NPAS2: variants seen among roughly 807,000 people sequenced by gnomAD.
NPAS2 encodes the protein neuronal PAS domain-containing protein 2.
NPAS2 carries 23 observed loss-of-function variants against 107.5 expected under a neutral mutation model. The ratio of observed to expected loss-of-function variants is 0.21; its 90% CI spans 0.15 to 0.30. NPAS2 has a LOEUF of 0.30. NPAS2 is among the 10% of genes least tolerant of loss of function. NPAS2 has a pLI of 1.00. For missense variants in NPAS2, 756 were observed against 1,043.3 expected (o/e 0.72, Z 3.79); for synonymous variants, 403 against 417.5 (o/e 0.97, Z 0.42).
intron 3 of NPAS2, among the ~76,000 whole-genome samples, chr2:100,927,046 C>T (rs1438608582): frequency 6.7e-6 from 1 of 149,502 alleles, no homozygotes; most frequent in South Asian, 2.1e-4. Context: ...TCACACCATT[C>T]TCCTGCCTCA....
At chr2:100,843,607 C>T (rs1323681568) in intron 1 of NPAS2, among the ~76,000 whole-genome samples, 1 of 152,066 alleles carries the variant, frequency 6.6e-6, no homozygotes, top group Non-Finnish European at 1.5e-5. Context: ...ATGGCTCTGA[C>T]CCTTGTTTTC....
At chr2:100,984,605 A>T (rs1188702570) in intron 16 of NPAS2, 3 of 152,020 alleles carry the variant, frequency 2.0e-5, no homozygotes, top group Non-Finnish European at 4.4e-5. Context: ...GTTTTCTCTG[A>T]TAACTTTTCC....
In NPAS2 at chr2:100,856,718, C is replaced by T. The variant is rs377375464; in HGVS notation, c.-23+36304C>T. Among the ~76,000 whole-genome samples, 11 of 13,562 alleles carry T rather than the reference C, an allele frequency of 8.1e-4. No homozygotes were observed. In the East Asian group the frequency reaches 0.015, roughly 19 times the overall value. 8.9% of individuals were successfully genotyped at this position (13,562 alleles called of 152,430 possible). ...AATGTGTGTATGGGCGGGGTGGGGG[C>T]GGGGGCGGGGGCATGTGTTTAGCAG... On this transcript the variant is annotated intron_variant, in intron 1 of 20. Transcript: ENST00000335681.
intron 1 of NPAS2, among the ~76,000 whole-genome samples, chr2:100,838,510 T>C (rs545905484): frequency 6.6e-6 from 1 of 152,278 alleles, no homozygotes; most frequent in South Asian, 2.1e-4. Context: ...ATTCCTGACC[T>C]CAGGTGATCT....
intron 1 of NPAS2, among the ~76,000 whole-genome samples, chr2:100,850,552 A>G (rs554094321): frequency 5.3e-5 from 8 of 152,234 alleles, no homozygotes; most frequent in Non-Finnish European, 1.0e-4. Flanking sequence ...TCATACCAAC[A>G]TTATTCTCAG....
chr2:100,990,735 G>C (rs1326143897), intron 18 of NPAS2, 45 bp from the exon 19 acceptor site: 11 of 1,553,496 alleles, frequency 7.1e-6, no homozygotes, highest in Non-Finnish European at 9.8e-6. Flanking sequence ...TGGGTCTGTG[G>C]TTCAGGTGCT....
chr2:100,945,646 G>A (rs10181743), intron 5 of NPAS2, among the ~76,000 whole-genome samples: 70 of 152,114 alleles, frequency 4.6e-4, no homozygotes, highest in African/African-American at 1.6e-3. Flanking sequence ...AACCTCCTCT[G>A]TCATGGCTTC....
At chr2:100,826,684 C>T (rs976416678) in intron 1 of NPAS2, among the ~76,000 whole-genome samples, 8 of 150,054 alleles carry the variant, frequency 5.3e-5, no homozygotes, top group African/African-American at 2.0e-4. Flanking sequence ...TCTTTATGTA[C>T]ATTTCAAGAT....
At chr2:100,872,583 G>T (rs1174009666) in intron 1 of NPAS2, among the ~76,000 whole-genome samples, 1 of 152,014 alleles carries the variant, frequency 6.6e-6, no homozygotes, top group Non-Finnish European at 1.5e-5. Context: ...CATTTTCTGG[G>T]GTTTCATTTA....
At chr2:100,948,483 C>A in intron 6 of NPAS2, 128 bp downstream of exon 6, 1 of 874,382 alleles carries the variant, frequency 1.1e-6, no homozygotes, top group Non-Finnish European at 1.7e-6. Flanking sequence ...AGAACATTTC[C>A]AAGATCCTTA....
At chr2:100,964,669 G>A (rs1481829900) in intron 8 of NPAS2, among the ~76,000 whole-genome samples, 192 bp from the exon 9 acceptor site, 1 of 152,178 alleles carries the variant, frequency 6.6e-6, no homozygotes, top group Non-Finnish European at 1.5e-5. Flanking sequence ...TTTTTCCCTA[G>A]CTTGTGAAAT....
At chr2:100,969,924 T>C (rs894385179) in intron 11 of NPAS2, among the ~76,000 whole-genome samples, 1 of 152,150 alleles carries the variant, frequency 6.6e-6, no homozygotes, top group African/African-American at 2.4e-5. Context: ...CACATGACTA[T>C]ATATATGTAA....
intron 15 of NPAS2, among the ~76,000 whole-genome samples, chr2:100,981,887 A>G: frequency 6.6e-6 from 1 of 152,358 alleles, no homozygotes; most frequent in African/African-American, 2.4e-5. Flanking sequence ...CCATTTGTTC[A>G]TCTCTCTAAA....
In NPAS2 at chr2:100,995,999, G is replaced by A; in HGVS notation, c.*417G>A. The A allele has an allele frequency of 8.1e-6, 10 of 1,228,328 alleles. No homozygotes were observed. The highest frequency in any genetic ancestry group is 1.0e-5 in the Non-Finnish European group (10 of 955,770). The allele number at this position is 1,228,328 out of a possible 1,614,324, so 76.1% of individuals were successfully genotyped here. A position where few individuals can be genotyped will look rare whatever the true frequency, so the allele number is the denominator to read the frequency against. On this transcript the variant is annotated 3_prime_UTR_variant, in exon 21 of 21. Transcript: ENST00000335681. ...CTTTCCTTTGTATTGGAGAAGGACT[G>A]GGTCAGAGATCTGTTGGAGAGAGAG...
Position 100,965,647 on chromosome 2 carries a change from T to C in NPAS2, c.801-13T>C. The C allele has an allele frequency of 5.0e-6, 8 of 1,592,314 alleles. No individual in the cohort carries two copies. Among genetic ancestry groups the C allele is most frequent in the African/African-American group, 1.3e-5 (1 of 74,588 alleles). On this transcript the variant is annotated splice_polypyrimidine_tract_variant and intron_variant, in intron 9 of 20. Transcript: ENST00000335681. The surrounding 1 kb of genome is among the most constrained non-coding windows in gnomAD (Gnocchi z 4.3). Reference sequence around the variant, plus strand: ...CTCCTCCCTGATGACAAGTCCTCCTTGTCCTTGTGCAGAGCACCTCCAATC... The same window carrying C: ...CTCCTCCCTGATGACAAGTCCTCCTCGTCCTTGTGCAGAGCACCTCCAATC...
At chr2:100,856,698 G>A (rs1030736296) in intron 1 of NPAS2, among the ~76,000 whole-genome samples, 4 of 147,820 alleles carry the variant, frequency 2.7e-5, no homozygotes, top group Non-Finnish European at 6.0e-5. Flanking sequence ...GAGAGAATGT[G>A]TGTATGGGCG....
At chr2:100,923,538 G>C (rs570705006) in intron 2 of NPAS2, among the ~76,000 whole-genome samples, 14 of 152,240 alleles carry the variant, frequency 9.2e-5, no homozygotes, top group African/African-American at 3.1e-4. Flanking sequence ...ACTTACACCT[G>C]CTCCAAGGGA....
intron 1 of NPAS2, among the ~76,000 whole-genome samples, chr2:100,877,667 G>C (rs1680067936): frequency 6.6e-6 from 1 of 152,028 alleles, no homozygotes; most frequent in African/African-American, 2.4e-5. Flanking sequence ...ATTTTACACA[G>C]CACCATGTGC....
In NPAS2 at chr2:100,881,271, C is replaced by T. The variant is rs571592626; in HGVS notation, c.-22-23462C>T. The stretch of plus-strand genomic sequence containing the variant: ...CTGTTCAGTGTGAGTGGTGTACCCA[C>T]AGCATCCGCCTCACCTGGAAGCTGG... On this transcript the variant is annotated intron_variant, in intron 1 of 20. Transcript: ENST00000335681. Among the ~76,000 whole-genome samples, 3 of 152,380 alleles carry T rather than the reference C, an allele frequency of 2.0e-5. No homozygotes were observed. The South Asian group carries it at 6.2e-4, about 32-fold the overall frequency.
Sources: allele counts gnomAD v4.1 joint callset (sites outside exome capture counted in the v4.1 genomes callset), GRCh38; gene constraint gnomAD v4.1.1; non-coding constraint Gnocchi (gnomAD v3.1); transcripts MANE v1.5; gene names NCBI Gene and HGNC (gene_info 2026-07-23, HGNC 2026-07-21).